FBXL7: variants seen among roughly 807,000 people sequenced by gnomAD.
The protein encoded by FBXL7 is F-box and leucine rich repeat protein 7.
A neutral mutation model predicts 38.3 loss-of-function variants in FBXL7; 12 were observed. That is an observed-to-expected ratio of 0.31 (90% CI 0.20 to 0.51). FBXL7 has a LOEUF of 0.51. FBXL7 is among the 20% of genes least tolerant of loss of function. The pLI, the probability that FBXL7 is intolerant of heterozygous loss-of-function variation, is 0.98. For synonymous variants in FBXL7, 297 were observed against 300.9 expected, an observed-to-expected ratio of 0.99 and a Z score of 0.13; for missense variants, 567 against 676.4, an observed-to-expected ratio of 0.84 and a Z score of 1.79.
chr5:15,536,310 C>A (rs1380482701), intron 1 of FBXL7, among the ~76,000 whole-genome samples: 3 of 152,220 alleles, frequency 2.0e-5, no homozygotes, highest in Non-Finnish European at 4.4e-5. Context: ...AGAAGAGGGA[C>A]ACCATCCTCC....
intron 1 of FBXL7, chr5:15,501,866 A>ATGTGTG (rs70938014): frequency 0.016 from 3,669 of 224,862 alleles, 156 homozygotes; most frequent in African/African-American, 0.085. Flanking sequence ...GTGCATGTGT[A>ATGTGTG]TGTGTGTGTG....
intron 2 of FBXL7, among the ~76,000 whole-genome samples, chr5:15,923,017 A>C (rs1363492823): frequency 6.6e-6 from 1 of 152,208 alleles, no homozygotes; most frequent in African/African-American, 2.4e-5. Flanking sequence ...GTTCAAATAT[A>C]GTCAGCTTTA....
At chr5:15,879,563 T>A (rs1740355265) in intron 2 of FBXL7, among the ~76,000 whole-genome samples, 1 of 152,190 alleles carries the variant, frequency 6.6e-6, no homozygotes, top group Non-Finnish European at 1.5e-5. Context: ...GAAGAGTGAA[T>A]TCTTGGTATA....
intron 2 of FBXL7, among the ~76,000 whole-genome samples, chr5:15,859,330 T>C (rs931780384): frequency 2.6e-5 from 4 of 152,156 alleles, no homozygotes; most frequent in Non-Finnish European, 5.9e-5. Context: ...CCTAGGGTGA[T>C]TTTGCCCCAC....
chr5:15,934,494 G>A (rs1235060008), intron 3 of FBXL7, among the ~76,000 whole-genome samples: 1 of 151,718 alleles, frequency 6.6e-6, no homozygotes, highest in Non-Finnish European at 1.5e-5. Context: ...ATTATATAGT[G>A]TGTATATATA....
intron 1 of FBXL7, among the ~76,000 whole-genome samples, chr5:15,547,923 C>T (rs1180610517): frequency 6.6e-6 from 1 of 152,148 alleles, no homozygotes; most frequent in Non-Finnish European, 1.5e-5. Context: ...ATACCACCTG[C>T]AGGCATGGTT....
rs551109905 is a variant in FBXL7, at chr5:15,849,722, A to G, written c.128-78168A>G. Among the ~76,000 whole-genome samples, 15 of 152,350 alleles carry G rather than the reference A, an allele frequency of 9.8e-5. 1 individual carries two copies. In the South Asian group the frequency reaches 3.1e-3, roughly 32 times the overall value. ...AGTGGAAACAGATTAAGACATCCCT[A>G]CAAATTCAAAATGCAAATTTTCATG... On this transcript the variant is annotated intron_variant, in intron 2 of 3. Coordinates refer to ENST00000504595, the MANE Select transcript of FBXL7 (RefSeq NM_012304.5).
rs543782764 is a variant in FBXL7 at position 15,778,300 on chromosome 5, A to G, written c.128-149590A>G. On this transcript the variant is annotated intron_variant, in intron 2 of 3. Coordinates refer to ENST00000504595, the MANE Select transcript of FBXL7 (RefSeq NM_012304.5). ...TGTTCCTATCTAAAGATATGACTCCATCTCTTATTTTACTGAGAGAATGGA... is the reference window on the plus strand; with the variant it reads ...TGTTCCTATCTAAAGATATGACTCCGTCTCTTATTTTACTGAGAGAATGGA... 6.6e-5 allele frequency among the ~76,000 whole-genome samples: 10 copies of G among 152,072 alleles called. No homozygotes were observed. In the East Asian group the frequency reaches 1.9e-3, roughly 29 times the overall value.
chr5:15,515,511 C>A (rs1736910359), intron 1 of FBXL7, among the ~76,000 whole-genome samples: 1 of 152,184 alleles, frequency 6.6e-6, no homozygotes, highest in Non-Finnish European at 1.5e-5. Context: ...ACAGATACCT[C>A]AATCATTCCT....
intron 1 of FBXL7, among the ~76,000 whole-genome samples, chr5:15,592,219 T>G (rs1739500412): frequency 6.6e-6 from 1 of 152,158 alleles, no homozygotes. Context: ...ATTTAGGCCT[T>G]CTATCTGTCC....
chr5:15,771,511 T>A (rs1163067059), intron 2 of FBXL7, among the ~76,000 whole-genome samples: 1 of 152,180 alleles, frequency 6.6e-6, no homozygotes, highest in Non-Finnish European at 1.5e-5. Flanking sequence ...CATCAGTACC[T>A]TGGAGTTTAT....
intron 1 of FBXL7, among the ~76,000 whole-genome samples, chr5:15,523,645 A>G (rs1483890710): frequency 6.6e-6 from 1 of 152,034 alleles, no homozygotes; most frequent in Non-Finnish European, 1.5e-5. Context: ...TCCAGGGTGA[A>G]GGCTGCTTCT....
intron 1 of FBXL7, among the ~76,000 whole-genome samples, chr5:15,597,644 T>C (rs1025328): frequency 0.088 from 13,188 of 150,692 alleles, 609 homozygotes; most frequent in South Asian, 0.12. Context: ...ATGTGTAGAT[T>C]GAAAGCTTCA....
At chr5:15,801,806 C>G (rs1579474867) in intron 2 of FBXL7, among the ~76,000 whole-genome samples, 2 of 150,900 alleles carry the variant, frequency 1.3e-5, no homozygotes, top group African/African-American at 4.9e-5. Context: ...CCAAATAGTC[C>G]ACAATAATAA....
chr5:15,816,788 T>C (rs1738026879), intron 2 of FBXL7, among the ~76,000 whole-genome samples: 1 of 152,260 alleles, frequency 6.6e-6, no homozygotes, highest in South Asian at 2.1e-4. Flanking sequence ...GAAAAGCTGC[T>C]TAATTTTTTA....
At chr5:15,542,159 C>T (rs1336473306) in intron 1 of FBXL7, among the ~76,000 whole-genome samples, 1 of 152,090 alleles carries the variant, frequency 6.6e-6, no homozygotes, top group African/African-American at 2.4e-5. Context: ...TGCATTATTA[C>T]ACTTTATACC....
At chr5:15,785,834 C>A (rs577731062) in intron 2 of FBXL7, among the ~76,000 whole-genome samples, 1 of 152,238 alleles carries the variant, frequency 6.6e-6, no homozygotes, top group Admixed American at 6.5e-5. Context: ...ATCTGGCACG[C>A]ATTGTGCCTG....
chr5:15,760,105 A>C (rs1348324326), intron 2 of FBXL7, among the ~76,000 whole-genome samples: 1 of 152,076 alleles, frequency 6.6e-6, no homozygotes, highest in Non-Finnish European at 1.5e-5. Flanking sequence ...GAAAAAATGA[A>C]TGTCCAGAAA....
At chr5:15,612,835 G>A (rs1006528433) in intron 1 of FBXL7, among the ~76,000 whole-genome samples, 1 of 152,164 alleles carries the variant, frequency 6.6e-6, no homozygotes, top group African/African-American at 2.4e-5. Context: ...GAGTGGGCAC[G>A]TGCATGCCAA....
Sources: gnomAD v4.1 joint callset for allele counts (sites outside exome capture counted in the v4.1 genomes callset) on GRCh38, gnomAD v4.1.1 for gene constraint, MANE v1.5 for transcripts, NCBI Gene and HGNC (gene_info 2026-07-23, HGNC 2026-07-21) for gene names.